Variants in MPP7 observed in about 807,000 individuals in gnomAD.
MPP7 encodes the protein MAGUK p55 subfamily member 7.
In MPP7, 60 loss-of-function variants were observed where a neutral mutation model predicts 76.5. The ratio of observed to expected loss-of-function variants is 0.78; its 90% confidence interval spans 0.64 to 0.97. The LOEUF is 0.97. Ranked by LOEUF, MPP7 falls within the 50% of genes least tolerant of loss-of-function variation. The pLI is 0.00. For synonymous variants in MPP7, 237 were observed against 244.5 expected, an observed-to-expected ratio of 0.97 and a Z score of 0.29; for missense variants, 641 against 694.0, an observed-to-expected ratio of 0.92 and a Z score of 0.86.
Position 28,150,133 on chromosome 10 carries a change from GA to G in MPP7, c.157-75del, listed in dbSNP as rs1390397916. ...CAGATAGCTGCACATTTTTATACTT[GA>G]AAAGAGAATCTGAATCCTTGAATAT... On this transcript the variant is annotated intron_variant, in intron 3 of 16. Coordinates refer to ENST00000683449, the MANE Select transcript of MPP7 (RefSeq NM_001318170.2). 65 of 1,026,064 alleles carry G rather than the reference GA, an allele frequency of 6.3e-5. No individual in the cohort carries two copies. The African/African-American group carries it at 9.1e-4, about 14-fold the overall frequency. The allele number at this position is 1,026,064 out of a possible 1,614,324, so 63.6% of individuals were successfully genotyped here. A position where few individuals can be genotyped will look rare whatever the true frequency, so the allele number is the denominator to read the frequency against.
At chr10:28,229,530 G>T (rs965412032) in intron 2 of MPP7, among the ~76,000 whole-genome samples, 1 of 152,168 alleles carries the variant, frequency 6.6e-6, no homozygotes, top group Non-Finnish European at 1.5e-5. Context: ...GCTGAGTTGT[G>T]AGTTGGAGGT....
chr10:28,277,890 G>T (rs1840552648), intron 1 of MPP7, among the ~76,000 whole-genome samples: 1 of 151,990 alleles, frequency 6.6e-6, no homozygotes, highest in South Asian at 2.1e-4. Context: ...GATACAAAAA[G>T]AATAATGGTA....
chr10:28,283,888 T>C (rs1380656316), intron 1 of MPP7, among the ~76,000 whole-genome samples: 1 of 152,146 alleles, frequency 6.6e-6, no homozygotes, highest in East Asian at 1.9e-4. Context: ...ACTTGCCATA[T>C]CATACACAGC....
At chr10:28,318,567 C>T (rs1016341192) in intron 2 of MPP7, among the ~76,000 whole-genome samples, 3 of 152,154 alleles carry the variant, frequency 2.0e-5, no homozygotes, top group Non-Finnish European at 4.4e-5. Context: ...TGCCTGTCAT[C>T]CCAGCTACCC....
rs554907338 is a variant in MPP7 at position 28,217,361 on chromosome 10, T to A, written c.38-15090A>T. 3.3e-5 allele frequency among the ~76,000 whole-genome samples: 5 copies of A among 151,824 alleles called. No individual in the cohort carries two copies. In the South Asian group the frequency reaches 1.0e-3, roughly 32 times the overall value. On this transcript the variant is annotated intron_variant, in intron 2 of 16. Transcript: ENST00000683449. ...CTGGGCAACATGGTGAAACCCTATC[T>A]CTACTAAAAACACAAATATTAGCTG...
In MPP7 at chr10:28,295,285, A is replaced by C. The variant is rs537106918; in HGVS notation, c.-132+7576T>G. On this transcript the variant is annotated intron_variant, in intron 1 of 16. Transcript: ENST00000683449. The stretch of plus-strand genomic sequence containing the variant: ...GAAAACAGTGTTAGTTCATTTCCTC[A>C]CTGCTCAACTTCTTTCTCCCAAACT... Among the ~76,000 whole-genome samples the C allele has an allele frequency of 2.0e-5, 3 of 152,332 alleles. No individual in the cohort carries two copies. The South Asian group carries it at 6.2e-4, about 32-fold the overall frequency.
intron 6 of MPP7, among the ~76,000 whole-genome samples, chr10:28,127,075 G>A (rs559598087): frequency 3.4e-4 from 52 of 152,238 alleles, no homozygotes; most frequent in African/African-American, 1.0e-3. Context: ...TATTGTTTTC[G>A]CCACAACATA....
chr10:28,164,485 G>A (rs945397402), intron 3 of MPP7, among the ~76,000 whole-genome samples: 1 of 152,050 alleles, frequency 6.6e-6, no homozygotes, highest in African/African-American at 2.4e-5. Context: ...AACACAGGTA[G>A]GTAGAGAAGG....
chr10:28,323,592 C>T (rs1032185382), intron 2 of MPP7, among the ~76,000 whole-genome samples: 1 of 152,092 alleles, frequency 6.6e-6, no homozygotes, highest in Non-Finnish European at 1.5e-5. Context: ...AGCCTGTAAT[C>T]CCAGTACTTG....
chr10:28,283,822 C>T (rs1340686162), intron 1 of MPP7, among the ~76,000 whole-genome samples: 5 of 152,124 alleles, frequency 3.3e-5, no homozygotes, highest in Admixed American at 6.6e-5. Context: ...GCCCCCAAAG[C>T]TTTTTTTCCA....
At chr10:28,206,159 A>C (rs1837943363) in intron 2 of MPP7, among the ~76,000 whole-genome samples, 1 of 152,194 alleles carries the variant, frequency 6.6e-6, no homozygotes. Flanking sequence ...TTAAAGGCAA[A>C]GTTCCTAAGA....
chr10:28,148,400 C>A (rs908421484), intron 4 of MPP7, among the ~76,000 whole-genome samples: 1 of 152,092 alleles, frequency 6.6e-6, no homozygotes, highest in Non-Finnish European at 1.5e-5. Flanking sequence ...TTATGAAATA[C>A]GTGGCATATG....
intron 3 of MPP7, 96 bp from the exon 4 acceptor site, chr10:28,150,155 A>C: frequency 1.2e-6 from 1 of 821,420 alleles, no homozygotes; most frequent in Non-Finnish European, 2.0e-6. Context: ...TGAATCCTTG[A>C]ATATCCTAAA....
intron 1 of MPP7, among the ~76,000 whole-genome samples, chr10:28,333,644 C>T (rs1213168072): frequency 3.9e-5 from 6 of 152,178 alleles, no homozygotes; most frequent in Non-Finnish European, 7.3e-5. Context: ...AATTTGGCAG[C>T]ACAGATAATT....
rs774477915 is a variant in MPP7 at position 28,131,644 on chromosome 10, T to C, written c.363A>G (p.Pro121=). ...TATCTTCAGGCATAGGAGGCAACACTGGGTCGTAATTCTTCTGAGCCACAG... is the reference window on the plus strand; with the variant it reads ...TATCTTCAGGCATAGGAGGCAACACCGGGTCGTAATTCTTCTGAGCCACAG... The part of the protein sequence containing the change: ...HDTVAQKNYD[P]VLPPMPEDID... The change falls in exon 6 of 17, where the codon CCA becomes CCG. Residue 121 remains proline (P), a synonymous_variant. Coordinates refer to ENST00000683449, the MANE Select transcript of MPP7 (RefSeq NM_001318170.2). 21 of 1,604,882 alleles carry C rather than the reference T, an allele frequency of 1.3e-5. No individual in the cohort carries two copies. In the Admixed American group the frequency reaches 3.2e-4, roughly 24 times the overall value.
chr10:28,082,073 G>T (rs956355026), intron 12 of MPP7, among the ~76,000 whole-genome samples: 1 of 152,124 alleles, frequency 6.6e-6, no homozygotes, highest in African/African-American at 2.4e-5. Flanking sequence ...TTCCAAGGAG[G>T]ACTATGACAC....
At chr10:28,201,218 A>C (rs977758333) in intron 3 of MPP7, among the ~76,000 whole-genome samples, 1 of 152,174 alleles carries the variant, frequency 6.6e-6, no homozygotes, top group Non-Finnish European at 1.5e-5. Context: ...AAGTACACAA[A>C]TTTCAGTAAA....
intron 11 of MPP7, among the ~76,000 whole-genome samples, chr10:28,104,223 A>C (rs1354302772): frequency 1.3e-5 from 2 of 152,106 alleles, no homozygotes; most frequent in African/African-American, 4.8e-5. Context: ...GGCAACAGAG[A>C]AGGGATGAAT....
At chr10:28,078,285 T>G (rs1157283131) in intron 12 of MPP7, among the ~76,000 whole-genome samples, 1 of 152,192 alleles carries the variant, frequency 6.6e-6, no homozygotes, top group African/African-American at 2.4e-5. Flanking sequence ...AGATTCAGGC[T>G]ACAAAAAGTG....
Sources: allele counts gnomAD v4.1 joint callset (sites outside exome capture counted in the v4.1 genomes callset), GRCh38; gene constraint gnomAD v4.1.1; transcripts MANE v1.5; gene names NCBI Gene and HGNC (gene_info 2026-07-23, HGNC 2026-07-21).